Variants in TESK2 observed in about 807,000 individuals in gnomAD.
TESK2 encodes testis associated actin remodelling kinase 2, also known as dual specificity testis-specific protein kinase 2.
In TESK2, 39 loss-of-function variants were observed where a neutral mutation model predicts 57.1. The observed-to-expected ratio is 0.68, with a 90% CI of 0.53 to 0.89. The LOEUF (loss-of-function observed/expected upper bound fraction) is 0.89, where lower values mean the gene tolerates loss of function less well. Among genes scored for constraint, TESK2 ranks in the 40% least tolerant of loss-of-function variants. The pLI is 0.00. For missense variants in TESK2, 646 were observed against 732.1 expected (o/e 0.88, Z 1.36); for synonymous variants, 249 against 267.9 (o/e 0.93, Z 0.69).
chr1:45,385,682 A>G (rs1038864118), intron 4 of TESK2, among the ~76,000 whole-genome samples: 6 of 147,998 alleles, frequency 4.1e-5, no homozygotes, highest in Admixed American at 2.0e-4. Flanking sequence ...CATGTACCCC[A>G]GAACTTAAAG....
rs1647099103 is a variant in TESK2, at chr1:45,343,913, T to C, written c.*927A>G. ...GTAACACTGACTTTATTTTTAAGTC[T>C]GAAAATGTCTTGGGAAAGTTTTACA... On this transcript the variant is annotated 3_prime_UTR_variant, in exon 11 of 11. Transcript: ENST00000372086. This position sits in a 1 kb window ranked among gnomAD's most constrained non-coding sequence, Gnocchi z 4.3. The C allele has an allele frequency of 2.2e-6, 1 of 458,132 alleles. No homozygotes were observed. The allele number at this position is 458,132 out of a possible 1,614,324, so 28.4% of individuals were successfully genotyped here. A position where few individuals can be genotyped will look rare whatever the true frequency, so the allele number is the denominator to read the frequency against.
chr1:45,388,821 C>T (rs955772709), intron 3 of TESK2, among the ~76,000 whole-genome samples: 6 of 148,066 alleles, frequency 4.1e-5, no homozygotes, highest in South Asian at 2.2e-4. Context: ...CCCTGGTTCA[C>T]GCCATTCTCC....
intron 2 of TESK2, among the ~76,000 whole-genome samples, chr1:45,429,109 C>T (rs539494553): frequency 4.2e-4 from 64 of 152,196 alleles, no homozygotes; most frequent in Non-Finnish European, 7.2e-4. Context: ...GCGTGAGCCA[C>T]CGCGCCCGGC....
intron 3 of TESK2, among the ~76,000 whole-genome samples, chr1:45,412,540 G>A (rs1262073238): frequency 6.6e-6 from 1 of 152,078 alleles, no homozygotes; most frequent in Non-Finnish European, 1.5e-5. Context: ...AGACTCTCTG[G>A]GAGACAAGAA....
intron 1 of TESK2, among the ~76,000 whole-genome samples, chr1:45,481,201 T>C (rs868761757): frequency 1.3e-5 from 2 of 151,300 alleles, no homozygotes; most frequent in Middle Eastern, 3.4e-3. Flanking sequence ...CCATCTCCAC[T>C]AAAAATACAA....
Position 45,394,679 on chromosome 1 carries a change from C to CTTTTTTTTTT in TESK2, c.345-8729_345-8720dup, listed in dbSNP as rs5773871. On this transcript the variant is annotated intron_variant, in intron 3 of 10. Coordinates refer to ENST00000372086, the MANE Select transcript of TESK2 (RefSeq NM_007170.3). ...AAGATAGTAAGACCAACAGGAAACTCTTTTTTTTTTTTTTTTTTTTTTTTT... is the reference window on the plus strand; with the variant it reads ...AAGATAGTAAGACCAACAGGAAACTCTTTTTTTTTTTTTTTTTTTTTTTTTTTTTTTTTTT... Among the ~76,000 whole-genome samples, 7 of 57,400 alleles carry CTTTTTTTTTT rather than the reference C, an allele frequency of 1.2e-4. 1 individual carries two copies. The highest frequency in any genetic ancestry group is 3.0e-4 in the African/African-American group (4 of 13,502). The allele number at this position is 57,400 out of a possible 152,430, so 37.7% of individuals were successfully genotyped here.
At chr1:45,461,161 GT>G (rs5773874) in intron 1 of TESK2, among the ~76,000 whole-genome samples, 78,816 of 148,694 alleles carry the variant, frequency 0.53, 20,986 homozygotes, top group African/African-American at 0.63. Flanking sequence ...CCTGGCCACT[GT>G]TTTTTTTTTT....
chr1:45,364,116 T>C (rs981236898), intron 4 of TESK2, among the ~76,000 whole-genome samples: 3 of 152,274 alleles, frequency 2.0e-5, no homozygotes, highest in Non-Finnish European at 4.4e-5. Flanking sequence ...CACTGAAGGT[T>C]TATAGGTAAA....
At chr1:45,362,780 A>G (rs1055416123) in intron 4 of TESK2, among the ~76,000 whole-genome samples, 6 of 152,130 alleles carry the variant, frequency 3.9e-5, no homozygotes, top group Admixed American at 2.6e-4. Flanking sequence ...CTACCCAAAC[A>G]CTGAAAACCT....
chr1:45,425,718 C>CA (rs1025584506), intron 2 of TESK2, among the ~76,000 whole-genome samples: 2 of 151,816 alleles, frequency 1.3e-5, no homozygotes, highest in African/African-American at 4.8e-5. Context: ...ACTAAAGATA[C>CA]AAAAAAATGG....
In TESK2 at chr1:45,407,257, G is replaced by T. The variant is rs200675486; in HGVS notation, c.344+14468C>A. On this transcript the variant is annotated intron_variant, in intron 3 of 10. Coordinates refer to ENST00000372086, the MANE Select transcript of TESK2 (RefSeq NM_007170.3). ...GTGGCCCCACAATGGGTTTTTTTTT[G>T]TTTTTTTAATCTTTTGCTGAGACAG... Among the ~76,000 whole-genome samples, 180 of 146,336 alleles carry T rather than the reference G, an allele frequency of 1.2e-3. 2 individuals carry two copies. Among genetic ancestry groups the T allele is most frequent in the East Asian group, 0.012 (59 of 4,926 alleles).
intron 3 of TESK2, among the ~76,000 whole-genome samples, chr1:45,412,126 A>C (rs111832141): frequency 4.2e-4 from 64 of 152,352 alleles, no homozygotes; most frequent in African/African-American, 1.3e-3. Context: ...CTGAACCTTA[A>C]CTGTCAGTCT....
chr1:45,394,625 T>TA (rs1461167162), intron 3 of TESK2, among the ~76,000 whole-genome samples: 30 of 136,570 alleles, frequency 2.2e-4, no homozygotes, highest in Non-Finnish European at 3.5e-4. Flanking sequence ...GCAAAGCCTT[T>TA]AAACAAATGA....
chr1:45,378,129 A>G lies in TESK2; in HGVS notation c.393+7783T>C, dbSNP rs117356251. Among the ~76,000 whole-genome samples the G allele has an allele frequency of 1.6e-3, 248 of 152,278 alleles. 4 individuals carry two copies. The East Asian group carries it at 0.018, about 11-fold the overall frequency. On this transcript the variant is annotated intron_variant, in intron 4 of 10. Transcript: ENST00000372086. ...AACACTAGCAAAATAACTGAGTGGA[A>G]AAAAAGAAAATGAACTATAATGAGT...
intron 2 of TESK2, among the ~76,000 whole-genome samples, chr1:45,450,126 T>C (rs1461301363): frequency 6.6e-6 from 1 of 152,194 alleles, no homozygotes; most frequent in Non-Finnish European, 1.5e-5. Flanking sequence ...CAATGTTTTA[T>C]ACCTTACACT....
intron 1 of TESK2, among the ~76,000 whole-genome samples, chr1:45,474,791 T>C (rs865988344): frequency 1.3e-5 from 2 of 151,774 alleles, no homozygotes; most frequent in Admixed American, 6.6e-5. Flanking sequence ...ATCTCTTTTT[T>C]TTTTTTTAAT....
chr1:45,408,712 G>A (rs1444117217), intron 3 of TESK2, among the ~76,000 whole-genome samples: 1 of 152,278 alleles, frequency 6.6e-6, no homozygotes, highest in Middle Eastern at 3.4e-3. Flanking sequence ...GCAAGTGGCA[G>A]GGTTGAGGGT....
At chr1:45,348,416 C>CT (rs951483985) in intron 5 of TESK2, among the ~76,000 whole-genome samples, 3 of 152,238 alleles carry the variant, frequency 2.0e-5, no homozygotes, top group African/African-American at 7.2e-5. Flanking sequence ...CAGGCCTGAC[C>CT]TTGCCAACTT....
intron 4 of TESK2, among the ~76,000 whole-genome samples, chr1:45,381,144 A>G (rs1264578326): frequency 6.6e-6 from 1 of 152,190 alleles, no homozygotes; most frequent in African/African-American, 2.4e-5. Context: ...CCATAGTGGG[A>G]GTTTAAATAA....
Sources: allele counts gnomAD v4.1 joint callset (sites outside exome capture counted in the v4.1 genomes callset), GRCh38; gene constraint gnomAD v4.1.1; non-coding constraint Gnocchi (gnomAD v3.1); transcripts MANE v1.5; gene names NCBI Gene and HGNC (gene_info 2026-07-23, HGNC 2026-07-21).